KCNQ5: variants seen among roughly 807,000 people sequenced by gnomAD.
KCNQ5 encodes the protein potassium voltage-gated channel subfamily KQT member 5.
In KCNQ5, 30 loss-of-function variants were observed where a neutral mutation model predicts 98.2. The observed-to-expected ratio is 0.31, with a 90% CI of 0.23 to 0.41. The LOEUF is 0.41. KCNQ5 is among the 10% of genes least tolerant of loss of function. The pLI is 1.00. For synonymous variants in KCNQ5, 458 were observed against 449.4 expected, an observed-to-expected ratio of 1.02 and a Z score of -0.24; for missense variants, 835 against 1,182.5, an observed-to-expected ratio of 0.71 and a Z score of 4.31.
chr6:72,652,048 C>T (rs1765901135), intron 1 of KCNQ5, among the ~76,000 whole-genome samples: 1 of 151,880 alleles, frequency 6.6e-6, no homozygotes, highest in South Asian at 2.1e-4. Context: ...TTAATTACCT[C>T]CTTCTCCTGT....
At chr6:73,120,645 A>G in intron 8 of KCNQ5, 68 bp downstream of exon 8, 2 of 952,382 alleles carry the variant, frequency 2.1e-6, no homozygotes, top group Non-Finnish European at 3.2e-6. Context: ...AACCATACCC[A>G]CACACACAAA....
chr6:73,054,975 A>G, intron 3 of KCNQ5: 2 of 412,716 alleles, frequency 4.8e-6, no homozygotes, highest in South Asian at 2.1e-5. Flanking sequence ...TTGGTTTGAT[A>G]AACAACTTCA....
chr6:73,018,978 T>C (rs1770470424), intron 2 of KCNQ5, among the ~76,000 whole-genome samples: 1 of 152,166 alleles, frequency 6.6e-6, no homozygotes, highest in Non-Finnish European at 1.5e-5. Flanking sequence ...TTCCCAGTCT[T>C]GTGCAGAAGA....
chr6:72,871,884 A>G (rs1252959566), intron 1 of KCNQ5, among the ~76,000 whole-genome samples: 2 of 152,188 alleles, frequency 1.3e-5, no homozygotes, highest in Non-Finnish European at 2.9e-5. Context: ...TTTTCCTCAG[A>G]CAGATCGTTG....
intron 1 of KCNQ5, among the ~76,000 whole-genome samples, chr6:72,894,857 G>A (rs1779183880): frequency 6.6e-6 from 1 of 151,974 alleles, no homozygotes; most frequent in South Asian, 2.1e-4. Flanking sequence ...AGTAGCAATT[G>A]ATCTCATAGG....
At chr6:72,888,939 C>G (rs1023694415) in intron 1 of KCNQ5, among the ~76,000 whole-genome samples, 1 of 152,102 alleles carries the variant, frequency 6.6e-6, no homozygotes, top group Non-Finnish European at 1.5e-5. Context: ...TCTGTATGTA[C>G]ATCTATGTGT....
intron 1 of KCNQ5, among the ~76,000 whole-genome samples, chr6:72,738,848 G>A (rs576562126): frequency 2.0e-5 from 3 of 152,260 alleles, no homozygotes; most frequent in South Asian, 4.1e-4. Context: ...TCTGGAAACA[G>A]CAAAACTATA....
chr6:73,121,446 T>C (rs897808839), intron 8 of KCNQ5, among the ~76,000 whole-genome samples: 1 of 152,098 alleles, frequency 6.6e-6, no homozygotes, highest in Non-Finnish European at 1.5e-5. Flanking sequence ...AAGTCCTCAT[T>C]GAAATACCGA....
chr6:72,655,186 A>C (rs1337965608), intron 1 of KCNQ5, among the ~76,000 whole-genome samples: 2 of 150,610 alleles, frequency 1.3e-5, no homozygotes, highest in Non-Finnish European at 3.0e-5. Flanking sequence ...AAAAAAAAAA[A>C]CAGAGAAAAA....
chr6:73,074,277 C>A (rs1582304269), intron 3 of KCNQ5, among the ~76,000 whole-genome samples: 1 of 151,998 alleles, frequency 6.6e-6, no homozygotes, highest in East Asian at 1.9e-4. Context: ...AAAATACTAG[C>A]CTAGGAAATA....
At chr6:72,899,139 A>G (rs1362522423) in intron 1 of KCNQ5, among the ~76,000 whole-genome samples, 1 of 152,150 alleles carries the variant, frequency 6.6e-6, no homozygotes, top group Non-Finnish European at 1.5e-5. Context: ...CCGCACTCTG[A>G]TGATAGTTTC....
chr6:73,091,666 T>A (rs1221249309), intron 5 of KCNQ5, among the ~76,000 whole-genome samples: 1 of 152,168 alleles, frequency 6.6e-6, no homozygotes, highest in African/African-American at 2.4e-5. Flanking sequence ...TTGGTGACTA[T>A]GGCCTTGTAG....
chr6:72,913,442 T>C (rs942719898), intron 1 of KCNQ5, among the ~76,000 whole-genome samples: 14 of 152,044 alleles, frequency 9.2e-5, no homozygotes, highest in Admixed American at 2.0e-4. Flanking sequence ...AGACTTTGAG[T>C]TGTGGCATGG....
chr6:73,157,183 G>A (rs1276980820), intron 10 of KCNQ5, among the ~76,000 whole-genome samples: 2 of 152,264 alleles, frequency 1.3e-5, no homozygotes, highest in Non-Finnish European at 2.9e-5. Context: ...GTTTCCTCGA[G>A]CGGGAGCTAC....
chr6:73,053,448 C>T (rs1229149458), intron 3 of KCNQ5, among the ~76,000 whole-genome samples: 1 of 152,078 alleles, frequency 6.6e-6, no homozygotes, highest in African/African-American at 2.4e-5. Context: ...TGTATATATT[C>T]TTCTCATCTG....
At chr6:72,996,578 T>A (rs1769310327) in intron 1 of KCNQ5, among the ~76,000 whole-genome samples, 1 of 152,204 alleles carries the variant, frequency 6.6e-6, no homozygotes, top group Non-Finnish European at 1.5e-5. Context: ...GGCCCTGTGG[T>A]GTGGTAGGAA....
intron 1 of KCNQ5, among the ~76,000 whole-genome samples, chr6:72,715,323 G>A (rs1221671088): frequency 1.3e-5 from 2 of 152,142 alleles, no homozygotes; most frequent in East Asian, 3.8e-4. Context: ...ACATACCTGA[G>A]TGCATTCACA....
At chr6:73,168,037 C>T (rs1348345547) in intron 10 of KCNQ5, among the ~76,000 whole-genome samples, 1 of 152,166 alleles carries the variant, frequency 6.6e-6, no homozygotes, top group Non-Finnish European at 1.5e-5. Flanking sequence ...CATCTCTCTC[C>T]TACTAGGCTT....
chr6:72,906,082 G>A (rs533574661), intron 1 of KCNQ5, among the ~76,000 whole-genome samples: 3 of 152,128 alleles, frequency 2.0e-5, no homozygotes, highest in Admixed American at 1.3e-4. Context: ...TGGCTGCTGT[G>A]GGGGATGGGG....
Sources: allele counts gnomAD v4.1 joint callset (sites outside exome capture counted in the v4.1 genomes callset), GRCh38; gene constraint gnomAD v4.1.1; transcripts MANE v1.5; gene names NCBI Gene and HGNC (gene_info 2026-07-23, HGNC 2026-07-21).